ASH1L: variants seen among roughly 807,000 people sequenced by gnomAD.
ASH1L encodes the protein ASH1 like histone lysine methyltransferase, also known as histone-lysine N-methyltransferase ASH1L.
ASH1L carries 23 observed loss-of-function variants against 269.0 expected under a neutral mutation model. The observed-to-expected ratio is 0.09, with a 90% confidence interval of 0.06 to 0.12. The LOEUF (loss-of-function observed/expected upper bound fraction) is 0.12. Among genes scored for constraint, ASH1L ranks in the 10% least tolerant of loss-of-function variants. The pLI is 1.00. For synonymous variants in ASH1L, 1,187 were observed against 1,253.5 expected (o/e 0.95, Z 1.12); for missense variants, 2,912 against 3,567.8 (o/e 0.82, Z 4.68).
intron 5 of ASH1L, among the ~76,000 whole-genome samples, chr1:155,420,342 C>G (rs1339705516): frequency 1.1e-5 from 1 of 87,332 alleles, no homozygotes; most frequent in East Asian, 3.2e-4. Context: ...CCAGCCTGGG[C>G]AACAGAATGA....
At chr1:155,381,614 G>A (rs1343316876) in intron 7 of ASH1L, among the ~76,000 whole-genome samples, 1 of 152,124 alleles carries the variant, frequency 6.6e-6, no homozygotes. Flanking sequence ...GTTCATGCCT[G>A]TAATCCCAAC....
At chr1:155,352,351 G>A (rs12239114) in intron 17 of ASH1L, among the ~76,000 whole-genome samples, 37,804 of 147,918 alleles carry the variant, frequency 0.26, 5,602 homozygotes, top group East Asian at 0.72. Context: ...GATTTATTTT[G>A]GGAATGTAAA....
At chr1:155,505,761 T>G (rs530706324) in intron 2 of ASH1L, among the ~76,000 whole-genome samples, 25 of 152,318 alleles carry the variant, frequency 1.6e-4, no homozygotes, top group African/African-American at 6.0e-4. Context: ...ATACATTTTA[T>G]AGAAAACTGG....
At chr1:155,374,370 A>G (rs1179100839) in intron 10 of ASH1L, among the ~76,000 whole-genome samples, 2 of 152,140 alleles carry the variant, frequency 1.3e-5, no homozygotes, top group African/African-American at 2.4e-5. Flanking sequence ...AAAATATATA[A>G]CAGTTTATAC....
chr1:155,441,828 C>G (rs1346700423), intron 4 of ASH1L, among the ~76,000 whole-genome samples: 1 of 146,726 alleles, frequency 6.8e-6, no homozygotes, highest in African/African-American at 2.5e-5. Context: ...TGCAGTGGCA[C>G]AATCTCAGCT....
At chr1:155,488,917 A>G (rs1486307827) in intron 2 of ASH1L, among the ~76,000 whole-genome samples, 2 of 152,152 alleles carry the variant, frequency 1.3e-5, no homozygotes, top group Admixed American at 6.6e-5. Flanking sequence ...AAAAAGAACC[A>G]AAGTATAAAT....
chr1:155,423,889 C>T (rs1660921594), intron 5 of ASH1L, among the ~76,000 whole-genome samples: 3 of 152,080 alleles, frequency 2.0e-5, no homozygotes, highest in African/African-American at 2.4e-5. Flanking sequence ...GCCACCACTC[C>T]TAATTTTTTG....
intron 5 of ASH1L, chr1:155,433,336 G>A (rs1285579552): frequency 7.6e-6 from 12 of 1,588,000 alleles, no homozygotes; most frequent in South Asian, 2.3e-5. Flanking sequence ...CGGGAGTTGG[G>A]TCAGGCTCTG....
chr1:155,532,675 T>C (rs966744700), intron 1 of ASH1L, among the ~76,000 whole-genome samples: 6 of 151,530 alleles, frequency 4.0e-5, no homozygotes, highest in Non-Finnish European at 1.5e-5. Flanking sequence ...ATACAAAAAT[T>C]AGCCAGGTGT....
intron 5 of ASH1L, among the ~76,000 whole-genome samples, chr1:155,424,649 C>A (rs1000381068): frequency 6.6e-6 from 1 of 152,064 alleles, no homozygotes; most frequent in African/African-American, 2.4e-5. Context: ...TCAGGTGATC[C>A]GCCTGCCTTG....
rs139009794 is a variant in ASH1L, at chr1:155,378,546, T to A, written c.6180A>T (p.Leu2060=). ...ATAGTGGGACATCTGGCTTTTTGTA[T>A]AGCTAGAAGAAAAGAAGAAAAATCT... ...DILWQWKHNQ[L]YKKPDVPLYK... is the part of the protein sequence containing the mutation. Residue 2060 remains leucine (L), a splice_region_variant and synonymous_variant, in exon 9 of 28, where the codon CTA becomes CTT. Coordinates refer to ENST00000392403, the MANE Select transcript of ASH1L (RefSeq NM_018489.3). 200 of 1,609,714 alleles carry A rather than the reference T, an allele frequency of 1.2e-4. No individual in the cohort carries two copies. Among genetic ancestry groups the A allele is most frequent in the Non-Finnish European group, 1.5e-4 (182 of 1,178,338 alleles).
intron 26 of ASH1L, 78 bp from the exon 27 acceptor site, chr1:155,338,468 G>C: frequency 1.5e-6 from 2 of 1,376,368 alleles, no homozygotes; most frequent in East Asian, 2.3e-5. Context: ...CCTCAAGATG[G>C]CTTGAGATCC....
At position 155,349,421 on chromosome 1, in the gene ASH1L, T is replaced by C. The variant is rs913604674; in HGVS notation, c.7460A>G (p.Asp2487Gly). 2 of 1,614,136 alleles carry C rather than the reference T, an allele frequency of 1.2e-6. No individual in the cohort carries two copies. The highest frequency in any genetic ancestry group is 1.1e-5 in the South Asian group (1 of 91,086). The change falls in exon 19 of 28, where the codon GAT becomes GGT. Residue 2487 changes from aspartate (D) to glycine (G), a missense_variant. Asp to Gly is a moderately conservative substitution (Grantham distance 94). This residue lies in a region of ASH1L where 309 missense variants were observed against 435.1 expected (regional missense o/e 0.71). Coordinates refer to ENST00000392403, the MANE Select transcript of ASH1L (RefSeq NM_018489.3). Reference protein sequence around the residue: ...DYYEKISDPLDLITIEKQILT... With the variant: ...DYYEKISDPLGLITIEKQILT... ...GATCTGCTTCTCTATGGTGATAAGA[T>C]CTAGGGGATCAGAGATCTTCTCATA...
chr1:155,365,396 T>G (rs11581222), intron 12 of ASH1L, among the ~76,000 whole-genome samples: 51 of 138,422 alleles, frequency 3.7e-4, no homozygotes, highest in African/African-American at 1.2e-3. Context: ...TTTTTTTTTG[T>G]ATTTTTAGTA....
chr1:155,514,063 T>C (rs1377910121), intron 2 of ASH1L, among the ~76,000 whole-genome samples: 4 of 152,216 alleles, frequency 2.6e-5, no homozygotes, highest in African/African-American at 9.6e-5. Context: ...AAATATTGTA[T>C]GATTCTACTT....
chr1:155,547,020 TTGGC>T (rs1408993856), intron 1 of ASH1L, among the ~76,000 whole-genome samples: 2 of 144,466 alleles, frequency 1.4e-5, no homozygotes, highest in Non-Finnish European at 3.0e-5. Flanking sequence ...TGACGTGATC[TTGGC>T]TCACTGCAAC....
intron 2 of ASH1L, among the ~76,000 whole-genome samples, chr1:155,515,832 T>TTA (rs1668463859): frequency 9.4e-6 from 1 of 106,776 alleles, no homozygotes; most frequent in South Asian, 2.9e-4. Context: ...GACTCTGCCT[T>TTA]AAAAAAAAAA....
chr1:155,442,172 T>C (rs532210623), intron 4 of ASH1L, among the ~76,000 whole-genome samples: 1 of 152,290 alleles, frequency 6.6e-6, no homozygotes, highest in South Asian at 2.1e-4. Context: ...TACTGTTTCA[T>C]GACAGTAAGT....
chr1:155,454,442 T>C (rs1317791988), intron 4 of ASH1L, among the ~76,000 whole-genome samples: 1 of 152,180 alleles, frequency 6.6e-6, no homozygotes, highest in East Asian at 1.9e-4. Context: ...TGATTAACTT[T>C]CCATCATTTC....
Sources: gnomAD v4.1 joint callset for allele counts (sites outside exome capture counted in the v4.1 genomes callset) on GRCh38, gnomAD v4.1.1 for gene constraint, gnomAD v4.1.1 regional missense constraint, MANE v1.5 for transcripts, NCBI Gene and HGNC (gene_info 2026-07-23, HGNC 2026-07-21) for gene names.